Variants in FBXL5 observed in about 807,000 individuals in gnomAD.
FBXL5 encodes the protein F-box/LRR-repeat protein 5.
A neutral mutation model predicts 78.3 loss-of-function variants in FBXL5; 26 were observed. The ratio of observed to expected loss-of-function variants is 0.33; its 90% CI spans 0.24 to 0.46. The LOEUF (loss-of-function observed/expected upper bound fraction) is 0.46, where lower values mean the gene tolerates loss of function less well. Among genes scored for constraint, FBXL5 ranks in the 20% least tolerant of loss-of-function variants. The probability of loss-of-function intolerance (pLI) is 1.00; values close to 1 mark genes in which losing one functional copy is unlikely to be tolerated. For missense variants in FBXL5, 710 were observed against 829.2 expected, an observed-to-expected ratio of 0.86 and a Z score of 1.77; for synonymous variants, 295 against 282.5, an observed-to-expected ratio of 1.04 and a Z score of -0.45.
chr4:15,647,116 G>A lies in FBXL5; in HGVS notation c.85-2408C>T, dbSNP rs182028568. Among the ~76,000 whole-genome samples, 18 of 150,236 alleles carry A rather than the reference G, an allele frequency of 1.2e-4. 1 individual carries two copies. Among genetic ancestry groups the A allele is most frequent in the South Asian group, 6.3e-4 (3 of 4,746 alleles). On this transcript the variant is annotated intron_variant, in intron 1 of 10. Transcript: ENST00000341285. The stretch of plus-strand genomic sequence containing the variant: ...TGTGCACCTGTAGTCCCAGCTACTC[G>A]GGAGGCTGAGACAGGAGAATCACTT...
chr4:15,648,107 T>A (rs191146434), intron 1 of FBXL5, among the ~76,000 whole-genome samples: 1 of 152,298 alleles, frequency 6.6e-6, no homozygotes, highest in East Asian at 1.9e-4. Context: ...TCCTCCTGAC[T>A]CAGCATCCTG....
chr4:15,632,221 T>G (rs945273619), intron 5 of FBXL5, among the ~76,000 whole-genome samples: 1 of 152,156 alleles, frequency 6.6e-6, no homozygotes, highest in Non-Finnish European at 1.5e-5. Flanking sequence ...AGAAGATGGT[T>G]GTAGATGTGT....
intron 1 of FBXL5, among the ~76,000 whole-genome samples, chr4:15,675,285 A>G (rs1717942424): frequency 6.6e-6 from 1 of 152,090 alleles, no homozygotes; most frequent in Admixed American, 6.5e-5. Context: ...TAAGACAAGT[A>G]GAAATTAATA....
At chr4:15,615,814 T>G (rs1711786123) in intron 9 of FBXL5, among the ~76,000 whole-genome samples, 1 of 152,056 alleles carries the variant, frequency 6.6e-6, no homozygotes, top group Admixed American at 6.5e-5. Context: ...ATCAGCAGGA[T>G]GTGGGTGGGG....
At chr4:15,621,940 C>T (rs1712526806) in intron 9 of FBXL5, among the ~76,000 whole-genome samples, 2 of 152,186 alleles carry the variant, frequency 1.3e-5, no homozygotes, top group Admixed American at 1.3e-4. Flanking sequence ...GTCATCCTCC[C>T]ACCTCAGCTT....
chr4:15,610,867 C>T (rs1722206349), intron 10 of FBXL5, among the ~76,000 whole-genome samples: 1 of 152,032 alleles, frequency 6.6e-6, no homozygotes. Flanking sequence ...TTATTAATTA[C>T]TCTTGATAAT....
At chr4:15,673,382 A>G (rs899004575) in intron 1 of FBXL5, among the ~76,000 whole-genome samples, 1 of 152,142 alleles carries the variant, frequency 6.6e-6, no homozygotes, top group Non-Finnish European at 1.5e-5. Context: ...TCGAGGCTGC[A>G]GTGAGCCAAG....
chr4:15,666,397 C>T (rs956675710), intron 1 of FBXL5, among the ~76,000 whole-genome samples: 3 of 151,870 alleles, frequency 2.0e-5, no homozygotes, highest in African/African-American at 7.3e-5. Context: ...AAGACCCTGC[C>T]TAAAAAAATA....
At chr4:15,674,728 C>T (rs1717914758) in intron 1 of FBXL5, among the ~76,000 whole-genome samples, 2 of 151,658 alleles carry the variant, frequency 1.3e-5, no homozygotes, top group East Asian at 3.9e-4. Context: ...TGGCTCACTG[C>T]AAGCTCCGCC....
In FBXL5 at chr4:15,655,238, C is replaced by T; in HGVS notation, c.50G>A (p.Arg17Gln). 1 of 1,441,180 alleles carries T rather than the reference C, an allele frequency of 6.9e-7. No homozygotes were observed. Among genetic ancestry groups the T allele is most frequent in the East Asian group, 3.0e-5 (1 of 33,382 alleles). 89.3% of individuals were successfully genotyped at this position (1,441,180 alleles called of 1,614,324 possible). The change falls in exon 1 of 11, where the codon CGG becomes CAG. Residue 17 changes from arginine (R) to glutamine (Q), a missense_variant. Transcript: ENST00000341285. ...EVDVFTAPHW[R>Q]MKQLVGLYCD... ...GTAGAGCCCCACCAGCTGCTTCATC[C>T]GCCAGTGTGGGGCGGTGAAGACGTC...
At chr4:15,617,751 A>C (rs540477876) in intron 9 of FBXL5, among the ~76,000 whole-genome samples, 2 of 152,288 alleles carry the variant, frequency 1.3e-5, no homozygotes, top group African/African-American at 4.8e-5. Flanking sequence ...AGTGGCAGCT[A>C]AACGATCAGA....
chr4:15,629,672 T>C (rs1289306472), intron 6 of FBXL5, among the ~76,000 whole-genome samples: 2 of 152,122 alleles, frequency 1.3e-5, no homozygotes, highest in Non-Finnish European at 2.9e-5. Context: ...ACCAAATCTA[T>C]CAAACTAGAA....
chr4:15,632,145 T>C (rs567355106), intron 5 of FBXL5, among the ~76,000 whole-genome samples: 5 of 152,322 alleles, frequency 3.3e-5, no homozygotes, highest in African/African-American at 4.8e-5. Context: ...GCTAGCCAGT[T>C]TTCCCAGCAC....
intron 3 of FBXL5, 96 bp downstream of exon 3, chr4:15,640,692 T>C (rs879381600): frequency 1.2e-5 from 7 of 587,624 alleles, no homozygotes; most frequent in Non-Finnish European, 1.8e-5. Context: ...ATCAACCAGA[T>C]ACATCTTCCT....
At chr4:15,668,113 A>AC (rs1186772897) in intron 1 of FBXL5, among the ~76,000 whole-genome samples, 2 of 152,054 alleles carry the variant, frequency 1.3e-5, no homozygotes, top group Non-Finnish European at 2.9e-5. Flanking sequence ...GTAACAATTA[A>AC]AATTTTGGTT....
upstream of FBXL5, among the ~76,000 whole-genome samples, chr4:15,661,669 T>A (rs1717317794): frequency 6.6e-6 from 1 of 152,240 alleles, no homozygotes. Flanking sequence ...AGTTATCTGT[T>A]GTTGCTTAAG....
chr4:15,658,365 T>G (rs1717122062), upstream of FBXL5, among the ~76,000 whole-genome samples: 1 of 152,252 alleles, frequency 6.6e-6, no homozygotes, highest in Non-Finnish European at 1.5e-5. Context: ...GTTTGAATGT[T>G]TGTCCTTTCT....
rs1397364777 is a variant in FBXL5 at position 15,640,851 on chromosome 4, T to C, written c.333A>G (p.Gln111=). Reference sequence around the variant, plus strand: ...TAAAAGCCTCCAATCTCTCTTTCAGTTGTTTTGCATAATTTAACTGTTCAT... The same window carrying C: ...TAAAAGCCTCCAATCTCTCTTTCAGCTGTTTTGCATAATTTAACTGTTCAT... The part of the protein sequence containing the change: ...NEYEQLNYAK[Q]LKERLEAFTR... The change falls in exon 3 of 11, where the codon CAA becomes CAG. Residue 111 remains glutamine, a synonymous_variant. Transcript: ENST00000341285. The C allele has an allele frequency of 1.2e-5, 18 of 1,557,202 alleles. No homozygotes were observed. Among genetic ancestry groups the C allele is most frequent in the Non-Finnish European group, 1.5e-5 (17 of 1,154,562 alleles).
chr4:15,624,394 A>G (rs765468364), intron 9 of FBXL5, among the ~76,000 whole-genome samples: 2 of 152,166 alleles, frequency 1.3e-5, no homozygotes, highest in Non-Finnish European at 2.9e-5. Context: ...AAAGCCAGTC[A>G]TACAGAAAAA....
Sources: gnomAD v4.1 joint callset for allele counts (sites outside exome capture counted in the v4.1 genomes callset) on GRCh38, gnomAD v4.1.1 for gene constraint, MANE v1.5 for transcripts, NCBI Gene and HGNC (gene_info 2026-07-23, HGNC 2026-07-21) for gene names.